FBXO31: variants seen among roughly 807,000 people sequenced by gnomAD.
FBXO31 encodes F-box protein 31, also known as F-box only protein 31.
Under a neutral mutation model 54.4 loss-of-function variants are expected in FBXO31, and 24 were observed. The observed-to-expected ratio is 0.44, with a 90% CI of 0.32 to 0.62. The LOEUF is 0.62. Among genes scored for constraint, FBXO31 ranks in the 20% least tolerant of loss-of-function variants. FBXO31 has a pLI of 0.05. For synonymous variants in FBXO31, 388 were observed against 335.6 expected (o/e 1.16, Z -1.71); for missense variants, 665 against 787.1 (o/e 0.84, Z 1.86).
intron 1 of FBXO31, among the ~76,000 whole-genome samples, chr16:87,374,357 A>C (rs1906732024): frequency 6.6e-6 from 1 of 152,218 alleles, no homozygotes; most frequent in Non-Finnish European, 1.5e-5. Context: ...AAATGAACTC[A>C]GAAAACTTAG....
chr16:87,357,160 G>A (rs951387941), intron 2 of FBXO31, among the ~76,000 whole-genome samples: 3 of 151,810 alleles, frequency 2.0e-5, no homozygotes, highest in East Asian at 1.9e-4. Flanking sequence ...CAGGAGGATC[G>A]CTTCAGCCCA....
chr16:87,333,834 C>A, intron 8 of FBXO31, 52 bp downstream of exon 8: 1 of 1,537,144 alleles, frequency 6.5e-7, no homozygotes, highest in Non-Finnish European at 8.8e-7. Context: ...GGGGCCCTCG[C>A]TGAAGCCCAT....
At chr16:87,349,706 T>A (rs1251936307) in intron 2 of FBXO31, among the ~76,000 whole-genome samples, 2 of 134,740 alleles carry the variant, frequency 1.5e-5, no homozygotes, top group Admixed American at 7.1e-5. Context: ...CAAGACTCCA[T>A]CTGAAAAAAA....
At chr16:87,332,825 T>C (rs1355169484) in intron 8 of FBXO31, among the ~76,000 whole-genome samples, 1 of 151,702 alleles carries the variant, frequency 6.6e-6, no homozygotes, top group Non-Finnish European at 1.5e-5. Context: ...CATACGCACA[T>C]AGTGGCTTGG....
chr16:87,341,740 A>T (rs1905203317), intron 5 of FBXO31, among the ~76,000 whole-genome samples: 1 of 152,196 alleles, frequency 6.6e-6, no homozygotes. Context: ...CAAATCTAAA[A>T]TAACAGCATA....
intron 2 of FBXO31, among the ~76,000 whole-genome samples, chr16:87,348,652 AGCC>A (rs1237689411): frequency 6.6e-6 from 1 of 152,170 alleles, no homozygotes; most frequent in Non-Finnish European, 1.5e-5. Context: ...AGGCTGTTAC[AGCC>A]TCACCCATCT....
In FBXO31 at chr16:87,383,389, A is replaced by ACCC; in HGVS notation, c.340+13_340+15dup. On this transcript the variant is annotated intron_variant, in intron 1 of 8. Coordinates refer to ENST00000311635, the MANE Select transcript of FBXO31 (RefSeq NM_024735.5). This position sits in a 1 kb window ranked among gnomAD's most constrained non-coding sequence, Gnocchi z 4.9. The stretch of plus-strand genomic sequence containing the variant: ...ACCCCCCGCCCCTCCCGGCCCCGCC[A>ACCC]CCCCCGCGCGCTCACCCTCACGGCA... The ACCC allele has an allele frequency of 3.9e-6, 3 of 775,210 alleles. No individual in the cohort carries two copies. The highest frequency in any genetic ancestry group is 3.7e-6 in the Non-Finnish European group (2 of 539,530). 48.0% of individuals were successfully genotyped at this position (775,210 alleles called of 1,614,324 possible).
upstream of FBXO31, chr16:87,388,684 C>A (rs1257939395): frequency 6.6e-6 from 1 of 152,242 alleles, no homozygotes; most frequent in African/African-American, 2.4e-5. Context: ...TTTACAGCCA[C>A]TTACATCACT....
At chr16:87,377,825 T>A (rs1201694384) in intron 1 of FBXO31, among the ~76,000 whole-genome samples, 4 of 147,102 alleles carry the variant, frequency 2.7e-5, no homozygotes, top group African/African-American at 1.0e-4. Context: ...AGAGACCCAG[T>A]CTCAAAAAAA....
chr16:87,343,497 ACAGCCCAGGTCTG>A, intron 4 of FBXO31, 88 bp downstream of exon 4: 23 of 1,401,092 alleles, frequency 1.6e-5, no homozygotes, highest in Non-Finnish European at 2.2e-5. Context: ...CCGATCTGCT[ACAGCCCAGGTCTG>A]CAGCTGAGAA....
chr16:87,367,526 T>C (rs1642637806), intron 1 of FBXO31: 1 of 152,206 alleles, frequency 6.6e-6, no homozygotes, highest in Non-Finnish European at 1.5e-5. Context: ...CCATAAGTAC[T>C]TTATCCTCTT....
At chr16:87,348,572 A>T (rs753705524) in intron 2 of FBXO31, among the ~76,000 whole-genome samples, 2 of 152,148 alleles carry the variant, frequency 1.3e-5, no homozygotes, top group African/African-American at 4.8e-5. Context: ...GCGGGAGGAT[A>T]AGCCAACATA....
At chr16:87,331,549 G>A (rs1331692212) in intron 8 of FBXO31, 39 bp from the exon 9 acceptor site, 1 of 1,533,254 alleles carries the variant, frequency 6.5e-7, no homozygotes, top group African/African-American at 1.4e-5. Flanking sequence ...GCTGGGGGAG[G>A]GCTGAGTCAA....
intron 8 of FBXO31, among the ~76,000 whole-genome samples, chr16:87,331,955 G>A (rs1228313276): frequency 6.6e-6 from 1 of 152,256 alleles, no homozygotes; most frequent in Non-Finnish European, 1.5e-5. Flanking sequence ...CATACAATTA[G>A]CTCTAATACA....
intron 1 of FBXO31, among the ~76,000 whole-genome samples, chr16:87,372,873 A>G (rs1204142045): frequency 2.0e-5 from 3 of 151,384 alleles, no homozygotes; most frequent in African/African-American, 7.3e-5. Context: ...AGTAGCTGGG[A>G]CTACAGGCAC....
chr16:87,347,082 T>C (rs1331930227), intron 3 of FBXO31, 92 bp downstream of exon 3: 7 of 1,165,390 alleles, frequency 6.0e-6, no homozygotes, highest in African/African-American at 1.5e-5. Context: ...CTGGGCCAGC[T>C]TGTACCCAGG....
Position 87,368,460 on chromosome 16 carries a change from GA to G in FBXO31, c.341-8095del, listed in dbSNP as rs547791223. Among the ~76,000 whole-genome samples, 401 of 152,242 alleles carry G rather than the reference GA, an allele frequency of 2.6e-3. 3 individuals are homozygous for G. The highest frequency in any genetic ancestry group is 9.2e-3 in the African/African-American group (384 of 41,526). ...CAGCAACTATGCACCCTTCCTTCCAGAAAGACTGGCAAGTGATAACTCCCAT... is the reference window on the plus strand; with the variant it reads ...CAGCAACTATGCACCCTTCCTTCCAGAAGACTGGCAAGTGATAACTCCCAT... On this transcript the variant is annotated intron_variant, in intron 1 of 8. Transcript: ENST00000311635.
At chr16:87,374,340 C>A (rs78218693) in intron 1 of FBXO31, among the ~76,000 whole-genome samples, 14 of 152,166 alleles carry the variant, frequency 9.2e-5, no homozygotes, top group African/African-American at 3.4e-4. Flanking sequence ...TTAGCCTAGC[C>A]CACCTTAAAT....
intron 4 of FBXO31, 64 bp downstream of exon 4, chr16:87,343,534 C>G (rs1905258165): frequency 1.3e-6 from 2 of 1,534,518 alleles, no homozygotes; most frequent in Admixed American, 2.0e-5. Context: ...CACGGCAGGC[C>G]TGGCTGGAGC....
Sources: gnomAD v4.1 joint callset for allele counts (sites outside exome capture counted in the v4.1 genomes callset) on GRCh38, gnomAD v4.1.1 for gene constraint, Gnocchi (gnomAD v3.1) non-coding constraint, MANE v1.5 for transcripts, NCBI Gene and HGNC (gene_info 2026-07-23, HGNC 2026-07-21) for gene names.